The following NOS1AP variants were observed in gnomAD, a reference collection of about 807,000 sequenced individuals.
NOS1AP encodes carboxyl-terminal PDZ ligand of neuronal nitric oxide synthase protein.
NOS1AP carries 21 observed loss-of-function variants against 56.2 expected under a neutral mutation model. The observed-to-expected ratio is 0.37, with a 90% CI of 0.26 to 0.54. The LOEUF (loss-of-function observed/expected upper bound fraction) is 0.54, where lower values mean the gene tolerates loss of function less well. Among genes scored for constraint, NOS1AP ranks in the 20% least tolerant of loss-of-function variants. The probability of loss-of-function intolerance (pLI) is 0.84; values close to 1 mark genes in which losing one functional copy is unlikely to be tolerated. For synonymous variants in NOS1AP, 270 were observed against 274.6 expected, an observed-to-expected ratio of 0.98 and a Z score of 0.17; for missense variants, 522 against 657.8, an observed-to-expected ratio of 0.79 and a Z score of 2.26.
At chr1:162,070,366 A>C in intron 1 of NOS1AP, 84 bp downstream of exon 1, 1 of 1,191,694 alleles carries the variant, frequency 8.4e-7, no homozygotes, top group Non-Finnish European at 1.2e-6. Context: ...GCCGTCCTGG[A>C]CCCAGAGCTG....
chr1:162,340,618 T>C (rs1657080578), intron 5 of NOS1AP, among the ~76,000 whole-genome samples: 2 of 152,304 alleles, frequency 1.3e-5, no homozygotes, highest in Middle Eastern at 6.8e-3. Context: ...TATTCAGTTT[T>C]TCAGTGCAGT....
chr1:162,365,592 C>T (rs1423028379), intron 9 of NOS1AP, 23 bp downstream of exon 9: 4 of 1,606,026 alleles, frequency 2.5e-6, no homozygotes, highest in East Asian at 4.5e-5. Flanking sequence ...CCTGCCCAGC[C>T]CTGCTTCCTC....
chr1:162,347,567 C>A (rs1657343745), intron 6 of NOS1AP, among the ~76,000 whole-genome samples: 1 of 152,160 alleles, frequency 6.6e-6, no homozygotes, highest in African/African-American at 2.4e-5. Context: ...TGGAGAGAAC[C>A]ACCTGGATAG....
At chr1:162,273,813 TTTTA>T (rs1277151577) in intron 2 of NOS1AP, among the ~76,000 whole-genome samples, 2 of 152,208 alleles carry the variant, frequency 1.3e-5, no homozygotes, top group East Asian at 1.9e-4. Context: ...GTTCATTCCT[TTTTA>T]TTTGTTAAAA....
At position 162,259,459 on chromosome 1, in the gene NOS1AP, A is replaced by G. The variant is rs140648400; in HGVS notation, c.178-27885A>G. The stretch of plus-strand genomic sequence containing the variant: ...GATTACTTTTGAAAATGTTTTGTTC[A>G]AATTTTATACAATAGTTTGACTTTG... On this transcript the variant is annotated intron_variant, in intron 2 of 9. Coordinates refer to ENST00000361897, the MANE Select transcript of NOS1AP (RefSeq NM_014697.3). Among the ~76,000 whole-genome samples, 17 of 152,316 alleles carry G rather than the reference A, an allele frequency of 1.1e-4. 1 individual carries two copies. The highest frequency in any genetic ancestry group is 2.4e-4 in the Non-Finnish European group (16 of 68,008).
chr1:162,294,218 A>AGGAG (rs1655373863), intron 3 of NOS1AP, among the ~76,000 whole-genome samples: 1 of 149,968 alleles, frequency 6.7e-6, no homozygotes, highest in Non-Finnish European at 1.5e-5. Flanking sequence ...GAAGGAAGGA[A>AGGAG]GGAAGGAAGA....
At chr1:162,241,302 AG>A (rs1220206435) in intron 2 of NOS1AP, among the ~76,000 whole-genome samples, 3 of 152,340 alleles carry the variant, frequency 2.0e-5, no homozygotes, top group Non-Finnish European at 4.4e-5. Flanking sequence ...CGCAGAGCTG[AG>A]TGCTTTAAAA....
intron 8 of NOS1AP, chr1:162,360,422 C>G (rs570734968): frequency 5.7e-6 from 1 of 175,246 alleles, no homozygotes; most frequent in Non-Finnish European, 1.2e-5. Flanking sequence ...TGGCCATGGG[C>G]TGGGCCGACA....
intron 1 of NOS1AP, among the ~76,000 whole-genome samples, chr1:162,099,736 C>G (rs1692336758): frequency 6.6e-6 from 1 of 152,046 alleles, no homozygotes; most frequent in South Asian, 2.1e-4. Flanking sequence ...CACCCATTAA[C>G]TCATCATTTA....
Position 162,167,926 on chromosome 1 carries a change from G to A in NOS1AP, c.177+13450G>A, listed in dbSNP as rs12725079. ...GCCATTTCATGGAAAAAAGCAACAA[G>A]GAACTGGTTTTATTTCTTTTAGGTG... On this transcript the variant is annotated intron_variant, in intron 2 of 9. Coordinates refer to ENST00000361897, the MANE Select transcript of NOS1AP (RefSeq NM_014697.3). 1.6e-3 allele frequency among the ~76,000 whole-genome samples: 240 copies of A among 149,946 alleles called. 2 individuals are homozygous for A. Among genetic ancestry groups the A allele is most frequent in the Admixed American group, 3.1e-3 (46 of 14,936 alleles).
intron 2 of NOS1AP, among the ~76,000 whole-genome samples, chr1:162,249,550 C>T (rs1653783631): frequency 2.0e-5 from 3 of 152,192 alleles, no homozygotes; most frequent in Non-Finnish European, 4.4e-5. Context: ...TCATCATCCA[C>T]ACCAAATAAG....
chr1:162,102,233 ATG>A (rs1408771668), intron 1 of NOS1AP, among the ~76,000 whole-genome samples: 18 of 152,182 alleles, frequency 1.2e-4, no homozygotes, highest in Non-Finnish European at 2.6e-4. Context: ...AGTTCTGGTT[ATG>A]TGATGAATTA....
chr1:162,138,359 G>C (rs1398156402), intron 1 of NOS1AP, among the ~76,000 whole-genome samples: 2 of 152,210 alleles, frequency 1.3e-5, no homozygotes, highest in Non-Finnish European at 2.9e-5. Context: ...AGTGGCCCAA[G>C]AGGATAAGAC....
At chr1:162,199,871 A>G (rs1003277907) in intron 2 of NOS1AP, among the ~76,000 whole-genome samples, 1 of 152,194 alleles carries the variant, frequency 6.6e-6, no homozygotes, top group African/African-American at 2.4e-5. Flanking sequence ...GGAATTCCGT[A>G]TGGAAATGAA....
At chr1:162,170,574 GA>G (rs1327432886) in intron 2 of NOS1AP, among the ~76,000 whole-genome samples, 1 of 152,136 alleles carries the variant, frequency 6.6e-6, no homozygotes, top group African/African-American at 2.4e-5. Context: ...GGAGAGGGAA[GA>G]AGAGAAGGAA....
chr1:162,278,486 G>A (rs1289112173), intron 2 of NOS1AP, among the ~76,000 whole-genome samples: 5 of 152,154 alleles, frequency 3.3e-5, no homozygotes, highest in Non-Finnish European at 7.3e-5. Flanking sequence ...GATAGTGAGA[G>A]GTGCTGGGAG....
chr1:162,171,054 A>T (rs1650755474), intron 2 of NOS1AP, among the ~76,000 whole-genome samples: 1 of 152,174 alleles, frequency 6.6e-6, no homozygotes, highest in Non-Finnish European at 1.5e-5. Context: ...GGTGGGGTCC[A>T]GGGCCTCTGG....
chr1:162,308,571 C>T (rs1051245442), intron 4 of NOS1AP, among the ~76,000 whole-genome samples: 2 of 152,174 alleles, frequency 1.3e-5, no homozygotes, highest in African/African-American at 4.8e-5. Flanking sequence ...TGGACATCCT[C>T]ATATCCACAC....
At chr1:162,217,267 C>CTTTGTTTTTTTTTTTTT (rs1652604590) in intron 2 of NOS1AP, among the ~76,000 whole-genome samples, 1 of 68,368 alleles carries the variant, frequency 1.5e-5, no homozygotes, top group Admixed American at 2.2e-4. Flanking sequence ...CTGTTGTTAG[C>CTTTGTTTTTTTTTTTTT]TTTTTTTTTT....
Sources: gnomAD v4.1 joint callset for allele counts (sites outside exome capture counted in the v4.1 genomes callset) on GRCh38, gnomAD v4.1.1 for gene constraint, MANE v1.5 for transcripts, NCBI Gene and HGNC (gene_info 2026-07-23, HGNC 2026-07-21) for gene names.